The following ZNF398 variants were observed in gnomAD, a reference collection of about 807,000 sequenced individuals.
The protein encoded by ZNF398 is zinc finger protein 398.
Under a neutral mutation model 41.9 loss-of-function variants are expected in ZNF398, and 18 were observed. The ratio of observed to expected loss-of-function variants is 0.43; its 90% confidence interval spans 0.30 to 0.64. The LOEUF is 0.64. Among genes scored for constraint, ZNF398 ranks in the 30% least tolerant of loss-of-function variants. The pLI, the probability that ZNF398 is intolerant of heterozygous loss-of-function variation, is 0.14. For synonymous variants in ZNF398, 260 were observed against 308.8 expected, an observed-to-expected ratio of 0.84 and a Z score of 1.66; for missense variants, 669 against 822.8, an observed-to-expected ratio of 0.81 and a Z score of 2.29.
rs1795376330 is a variant in ZNF398, at chr7:149,172,861, T to C, written c.662-3607T>C. Among the ~76,000 whole-genome samples the C allele has an allele frequency of 2.0e-5, 3 of 152,336 alleles. No individual in the cohort carries two copies. The South Asian group carries it at 6.2e-4, about 32-fold the overall frequency. On this transcript the variant is annotated intron_variant, in intron 4 of 5. Transcript: ENST00000475153. The stretch of plus-strand genomic sequence containing the variant: ...CAATAACTTTTGTTTTCCCAGTGCA[T>C]GTGAAAGTTAAGTTTACACTATGCT...
At chr7:149,171,038 T>C (rs149084338) in intron 4 of ZNF398, among the ~76,000 whole-genome samples, 6,537 of 144,592 alleles carry the variant, frequency 0.045, 409 homozygotes, top group African/African-American at 0.15. Flanking sequence ...TTAGAAGAGA[T>C]GGGGTTTCAC....
intron 3 of ZNF398, 93 bp from the exon 4 acceptor site, chr7:149,166,724 T>A (rs1015123377): frequency 1.2e-5 from 10 of 804,646 alleles, no homozygotes; most frequent in Admixed American, 5.3e-5. Context: ...CCTGGCACTG[T>A]GACCACAAAG....
Position 149,147,820 on chromosome 7 carries a change from G to T in ZNF398, c.24+54G>T. The T allele has an allele frequency of 7.5e-7, 1 of 1,337,552 alleles. No individual in the cohort carries two copies. Among genetic ancestry groups the T allele is most frequent in the South Asian group, 1.9e-5 (1 of 52,724 alleles). 82.9% of individuals were successfully genotyped at this position (1,337,552 alleles called of 1,614,324 possible). On this transcript the variant is annotated intron_variant, in intron 1 of 5. Transcript: ENST00000475153. This position sits in a 1 kb window ranked among gnomAD's most constrained non-coding sequence, Gnocchi z 5.6. ...AGCCCCCGAGACCCAGACCCCGAGG[G>T]AGGAAGGCGGGCGGGCAGGGAGCTG...
intron 2 of ZNF398, among the ~76,000 whole-genome samples, chr7:149,134,724 T>C (rs539905714): frequency 6.6e-6 from 1 of 152,300 alleles, no homozygotes; most frequent in Non-Finnish European, 1.5e-5. Context: ...TTTTTTTTCC[T>C]TCAGCACTTT....
chr7:149,127,776 G>C (rs1307116816), intron 1 of ZNF398, among the ~76,000 whole-genome samples: 1 of 152,060 alleles, frequency 6.6e-6, no homozygotes, highest in South Asian at 2.1e-4. Context: ...AAAGTTCTAT[G>C]AATTTTCACA....
rs1386723496 is a variant in ZNF398 at position 149,180,153 on chromosome 7, C to A, written c.*352C>A. On this transcript the variant is annotated 3_prime_UTR_variant, in exon 6 of 6. Coordinates refer to ENST00000475153, the MANE Select transcript of ZNF398 (RefSeq NM_170686.3). ...ACAGCAGGTTGATAGTAGATTATGT[C>A]TCTAGGTAGAGACAGATACATGAGA... 1 of 190,028 alleles carries A rather than the reference C, an allele frequency of 5.3e-6. No individual in the cohort carries two copies. The highest frequency in any genetic ancestry group is 1.1e-5 in the Non-Finnish European group (1 of 91,736). 11.8% of individuals were successfully genotyped at this position (190,028 alleles called of 1,614,324 possible). A position where few individuals can be genotyped will look rare whatever the true frequency, so the allele number is the denominator to read the frequency against.
rs1047927235 is a variant in ZNF398 at position 149,159,732 on chromosome 7, T to A, written c.420+5392T>A. On this transcript the variant is annotated intron_variant, in intron 2 of 5. Transcript: ENST00000475153. ...CTTTTCCTCAAAAAAAAAAAAAATT[T>A]TTTTTTTTGAGATGGAGTCTCACTC... is the stretch of plus-strand genomic sequence containing the variant. Among the ~76,000 whole-genome samples, 6 of 152,050 alleles carry A rather than the reference T, an allele frequency of 3.9e-5. No individual in the cohort carries two copies. The East Asian group carries it at 9.6e-4, about 24-fold the overall frequency.
In ZNF398 at chr7:149,179,579, C is replaced by A; in HGVS notation, c.1707C>A (p.Cys569Ter). ...ACACCGGGGAGCGGCCCTACCCCTGCTCCTACTGTGGCAGGAGCTTCCGCT... is the reference window on the plus strand; with the variant it reads ...ACACCGGGGAGCGGCCCTACCCCTGATCCTACTGTGGCAGGAGCTTCCGCT... ...RIHTGERPYP[C>*]SYCGRSFRYK... is the part of the protein sequence containing the mutation. Residue 569 changes from cysteine (C) to a stop codon, truncating the protein, a stop_gained, in exon 6 of 6, where the codon TGC (cysteine) becomes TGA (stop). Coordinates refer to ENST00000475153, the MANE Select transcript of ZNF398 (RefSeq NM_170686.3). LOFTEE classifies it high-confidence loss of function. The surrounding 1 kb of genome is among the most constrained non-coding windows in gnomAD (Gnocchi z 6.1). 2 of 1,614,222 alleles carry A rather than the reference C, an allele frequency of 1.2e-6. No individual in the cohort carries two copies. The highest frequency in any genetic ancestry group is 1.7e-6 in the Non-Finnish European group (2 of 1,180,048).
intron 2 of ZNF398, among the ~76,000 whole-genome samples, chr7:149,164,230 AC>A (rs1478181876): frequency 2.3e-4 from 35 of 151,062 alleles, no homozygotes; most frequent in Admixed American, 2.0e-4. Context: ...ACACGGTGAA[AC>A]CCCATCTCTA....
intron 1 of ZNF398, among the ~76,000 whole-genome samples, chr7:149,151,680 T>TA (rs1827117741): frequency 6.7e-6 from 1 of 150,162 alleles, no homozygotes; most frequent in South Asian, 2.1e-4. Flanking sequence ...TCTCTAAAAA[T>TA]AAAAAAATAA....
In ZNF398 at chr7:149,178,652, A is replaced by G. The variant is rs1009206515; in HGVS notation, c.780A>G (p.Glu260=). ...CTCTGGAGTCTTTTCTTTCAGATGA[A>G]GAGCTTGTCATCAAAGCTGAAGGCC... ...SDVYKSTYAD[E]ELVIKAEGLA... Residue 260 remains glutamate (E), a synonymous_variant, in exon 6 of 6, where the codon GAA becomes GAG. Coordinates refer to ENST00000475153, the MANE Select transcript of ZNF398 (RefSeq NM_170686.3). 1 of 1,611,692 alleles carries G rather than the reference A, an allele frequency of 6.2e-7. No individual in the cohort carries two copies. The highest frequency in any genetic ancestry group is 8.5e-7 in the Non-Finnish European group (1 of 1,179,132).
intron 1 of ZNF398, among the ~76,000 whole-genome samples, chr7:149,127,834 C>G (rs1182625379): frequency 6.6e-6 from 1 of 151,510 alleles, no homozygotes; most frequent in Non-Finnish European, 1.5e-5. Context: ...TACGGAAGAG[C>G]CCTGTCCCAC....
upstream of ZNF398, chr7:149,147,230 G>T (rs1826965409): frequency 6.6e-6 from 1 of 152,270 alleles, no homozygotes; most frequent in Non-Finnish European, 1.5e-5. This position sits in a 1 kb window ranked among gnomAD's most constrained non-coding sequence, Gnocchi z 5.6. Flanking sequence ...TTGCGGCTGG[G>T]TCCTAAACTG....
At chr7:149,156,014 C>G (rs1166788108) in intron 2 of ZNF398, among the ~76,000 whole-genome samples, 1 of 151,948 alleles carries the variant, frequency 6.6e-6, no homozygotes, top group Non-Finnish European at 1.5e-5. Context: ...GCATGAGCCA[C>G]CGCGCCCGGC....
chr7:149,128,518 AG>A (rs1826531086), intron 1 of ZNF398, among the ~76,000 whole-genome samples: 3 of 152,014 alleles, frequency 2.0e-5, no homozygotes. Context: ...AGGCTGAGGC[AG>A]TAGGATTGCC....
chr7:149,146,955 A>G (rs191935907), upstream of ZNF398, among the ~76,000 whole-genome samples: 115 of 152,236 alleles, frequency 7.6e-4, no homozygotes, highest in African/African-American at 2.5e-3. Context: ...ATCCCAACAC[A>G]GGCCGCGTGG....
At chr7:149,131,487 A>T (rs1258896306) in intron 2 of ZNF398, among the ~76,000 whole-genome samples, 1 of 152,126 alleles carries the variant, frequency 6.6e-6, no homozygotes, top group Admixed American at 6.6e-5. Context: ...GGAGATTGAG[A>T]CAATCCTGGC....
At chr7:149,177,426 C>A (rs1297321252) in intron 5 of ZNF398, among the ~76,000 whole-genome samples, 1 of 151,508 alleles carries the variant, frequency 6.6e-6, no homozygotes, top group Non-Finnish European at 1.5e-5. Flanking sequence ...ATAGGGAGAC[C>A]CTGTCTCTAA....
At chr7:149,160,299 T>G (rs528641636) in intron 2 of ZNF398, among the ~76,000 whole-genome samples, 2 of 151,976 alleles carry the variant, frequency 1.3e-5, no homozygotes, top group Admixed American at 1.3e-4. Context: ...GATGTGGTGG[T>G]GGGGGCCTGT....
Sources: allele counts gnomAD v4.1 joint callset (sites outside exome capture counted in the v4.1 genomes callset), GRCh38; gene constraint gnomAD v4.1.1; non-coding constraint Gnocchi (gnomAD v3.1); transcripts MANE v1.5; gene names NCBI Gene and HGNC (gene_info 2026-07-23, HGNC 2026-07-21).